RPS6KA2: variants seen among roughly 807,000 people sequenced by gnomAD.
RPS6KA2 encodes the protein ribosomal protein S6 kinase A2.
Under a neutral mutation model 91.8 loss-of-function variants are expected in RPS6KA2, and 42 were observed. The observed-to-expected ratio is 0.46, with a 90% CI of 0.36 to 0.59. The LOEUF (loss-of-function observed/expected upper bound fraction) is 0.59. RPS6KA2 is among the 20% of genes least tolerant of loss of function. The probability of loss-of-function intolerance (pLI) is 0.00; values close to 1 mark genes in which losing one functional copy is unlikely to be tolerated. For synonymous variants in RPS6KA2, 414 were observed against 393.6 expected (o/e 1.05, Z -0.61); for missense variants, 798 against 978.5 (o/e 0.82, Z 2.46).
chr6:166,469,154 C>T (rs909731993), intron 11 of RPS6KA2, among the ~76,000 whole-genome samples: 5 of 152,164 alleles, frequency 3.3e-5, no homozygotes, highest in South Asian at 2.1e-4. Context: ...CTTCACCATT[C>T]GGAGTTGGCG....
At chr6:166,507,137 T>C (rs1438705582) in intron 5 of RPS6KA2, among the ~76,000 whole-genome samples, 1 of 152,020 alleles carries the variant, frequency 6.6e-6, no homozygotes, top group Non-Finnish European at 1.5e-5. Context: ...GGCTTAGCAG[T>C]ACCTCCCTCT....
At chr6:166,607,563 C>T (rs183474484) in intron 1 of RPS6KA2, among the ~76,000 whole-genome samples, 26 of 152,244 alleles carry the variant, frequency 1.7e-4, no homozygotes, top group Non-Finnish European at 2.6e-4. Flanking sequence ...ATGAAATACC[C>T]AGAATAGGCA....
chr6:166,689,079 G>T (rs1043458960), intron 2 of RPS6KA2, among the ~76,000 whole-genome samples: 1 of 152,246 alleles, frequency 6.6e-6, no homozygotes, highest in Non-Finnish European at 1.5e-5. Context: ...GCCCTGAGCA[G>T]GTCCTCCCCA....
chr6:166,583,001 G>A (rs950511104), intron 1 of RPS6KA2, among the ~76,000 whole-genome samples: 2 of 152,212 alleles, frequency 1.3e-5, no homozygotes, highest in African/African-American at 2.4e-5. Context: ...CACTCACTTT[G>A]TCTTGACTTG....
intron 8 of RPS6KA2, among the ~76,000 whole-genome samples, chr6:166,492,890 ATTTTTTT>A (rs71032807): frequency 9.7e-6 from 1 of 103,578 alleles, no homozygotes; most frequent in East Asian, 2.5e-4. Context: ...TAATTTTTGT[ATTTTTTT>A]TTTTTTTTTT....
At chr6:166,608,913 T>C (rs185632517) in intron 1 of RPS6KA2, among the ~76,000 whole-genome samples, 2 of 152,160 alleles carry the variant, frequency 1.3e-5, no homozygotes, top group Non-Finnish European at 2.9e-5. Flanking sequence ...AGAATATTTA[T>C]GAAAGAAAAC....
intron 1 of RPS6KA2, among the ~76,000 whole-genome samples, chr6:166,540,244 A>C (rs543692395): frequency 1.2e-4 from 19 of 152,378 alleles, no homozygotes; most frequent in African/African-American, 4.6e-4. Context: ...TCAGTTTCTC[A>C]AAACGGTTAC....
chr6:166,840,463 T>C (rs1780440508), intron 2 of RPS6KA2, among the ~76,000 whole-genome samples: 1 of 152,120 alleles, frequency 6.6e-6, no homozygotes, highest in Admixed American at 6.5e-5. Context: ...ACTGGGCAAA[T>C]GGTTTGGGGA....
intron 12 of RPS6KA2, among the ~76,000 whole-genome samples, chr6:166,458,045 A>G (rs1009849272): frequency 6.6e-6 from 1 of 152,208 alleles, no homozygotes; most frequent in Non-Finnish European, 1.5e-5. Flanking sequence ...CATAACCAGC[A>G]TACTGTTAGT....
chr6:166,837,803 A>G (rs1447338382), intron 2 of RPS6KA2, among the ~76,000 whole-genome samples: 3 of 152,212 alleles, frequency 2.0e-5, no homozygotes, highest in African/African-American at 7.2e-5. Context: ...ATTGCAAACC[A>G]GGTTGTCACT....
At chr6:166,461,582 TGGGGGA>T (rs1780302712) in intron 11 of RPS6KA2, among the ~76,000 whole-genome samples, 2 of 7,328 alleles carry the variant, frequency 2.7e-4, no homozygotes, top group Non-Finnish European at 5.1e-4. Context: ...AGGGGAGAAA[TGGGGGA>T]GGGGGAGGGG....
At chr6:166,684,964 G>C (rs1049698541) in intron 2 of RPS6KA2, among the ~76,000 whole-genome samples, 3 of 152,280 alleles carry the variant, frequency 2.0e-5, no homozygotes, top group African/African-American at 7.2e-5. Flanking sequence ...TTACTTGAGA[G>C]AGCGTGGTAC....
intron 2 of RPS6KA2, among the ~76,000 whole-genome samples, chr6:166,836,599 G>A (rs1481014312): frequency 2.0e-5 from 3 of 151,904 alleles, no homozygotes; most frequent in Non-Finnish European, 4.4e-5. Context: ...TATCTTCATC[G>A]CTTTCCCCTC....
At chr6:166,780,967 C>T (rs916144319) in intron 2 of RPS6KA2, among the ~76,000 whole-genome samples, 1 of 152,210 alleles carries the variant, frequency 6.6e-6, no homozygotes, top group Non-Finnish European at 1.5e-5. Context: ...CTCCGATATT[C>T]GGACACTTCG....
At position 166,567,424 on chromosome 6, in the gene RPS6KA2, T is replaced by C. The variant is rs186591260; in HGVS notation, c.100-28640A>G. ...GTCACTAAAAAACCAGAAGGAAAAA[T>C]GAGTGGCCACGTGAGAGCAGCTGTC... is the stretch of plus-strand genomic sequence containing the variant. On this transcript the variant is annotated intron_variant, in intron 1 of 20. Coordinates refer to ENST00000265678, the MANE Select transcript of RPS6KA2 (RefSeq NM_021135.6). 1.6e-3 allele frequency among the ~76,000 whole-genome samples: 242 copies of C among 152,050 alleles called. 2 individuals carry two copies. Among genetic ancestry groups the C allele is most frequent in the Non-Finnish European group, 3.8e-4 (26 of 67,970 alleles).
At chr6:166,827,811 G>A (rs1404739316) in intron 2 of RPS6KA2, among the ~76,000 whole-genome samples, 1 of 152,182 alleles carries the variant, frequency 6.6e-6, no homozygotes, top group East Asian at 1.9e-4. Context: ...AAATGTGAAA[G>A]CAAACTGTAA....
In RPS6KA2 at chr6:166,493,394, T is replaced by C. The variant is rs1781674371; in HGVS notation, c.748-2653A>G. 6.6e-6 allele frequency among the ~76,000 whole-genome samples: 1 copy of C among 152,098 alleles called. No homozygotes were observed. The highest frequency in any genetic ancestry group is 2.4e-5 in the African/African-American group (1 of 41,408). ...CCGGGAACTTTCCAGTGCCGAAGCA[T>C]TACTGACTGAGGTTTTGCTGATGAG... On this transcript the variant is annotated intron_variant, in intron 8 of 20. Coordinates refer to ENST00000265678, the MANE Select transcript of RPS6KA2 (RefSeq NM_021135.6). The surrounding 1 kb of genome is among the most constrained non-coding windows in gnomAD (Gnocchi z 4.7).
intron 2 of RPS6KA2, among the ~76,000 whole-genome samples, chr6:166,652,330 C>T (rs1051126394): frequency 6.6e-6 from 1 of 152,178 alleles, no homozygotes; most frequent in African/African-American, 2.4e-5. Context: ...AATTAACTGT[C>T]CTTGGGAAGT....
At chr6:166,498,703 G>A (rs1781889445) in intron 7 of RPS6KA2, 53 bp from the exon 8 acceptor site, 10 of 1,600,696 alleles carry the variant, frequency 6.2e-6, no homozygotes, top group Admixed American at 1.7e-5. Flanking sequence ...GTGTTCGGGG[G>A]TCCACACTCA....
Sources: gnomAD v4.1 joint callset for allele counts (sites outside exome capture counted in the v4.1 genomes callset) on GRCh38, gnomAD v4.1.1 for gene constraint, Gnocchi (gnomAD v3.1) non-coding constraint, MANE v1.5 for transcripts, NCBI Gene and HGNC (gene_info 2026-07-23, HGNC 2026-07-21) for gene names.